CNTNAP1: variants seen among roughly 807,000 people sequenced by gnomAD.
The protein encoded by CNTNAP1 is contactin associated protein 1.
CNTNAP1 carries 80 observed loss-of-function variants against 161.5 expected under a neutral mutation model. The ratio of observed to expected loss-of-function variants is 0.50; its 90% CI spans 0.41 to 0.60. CNTNAP1 has a LOEUF of 0.60. Among genes scored for constraint, CNTNAP1 ranks in the 20% least tolerant of loss-of-function variants. CNTNAP1 has a pLI of 0.00. For synonymous variants in CNTNAP1, 695 were observed against 733.1 expected (o/e 0.95, Z 0.84); for missense variants, 1,464 against 1,854.8 (o/e 0.79, Z 3.87).
chr17:42,689,073 T>C (rs2053054365), intron 10 of CNTNAP1, 26 bp downstream of exon 10: 1 of 1,537,856 alleles, frequency 6.5e-7, no homozygotes, highest in Admixed American at 2.0e-5. Flanking sequence ...TAACAAGAGA[T>C]GACCCCTCCA....
rs990773936 is a variant in CNTNAP1, at chr17:42,693,407, C to T, written c.2863C>T (p.Pro955Ser). 34 of 1,614,134 alleles carry T rather than the reference C, an allele frequency of 2.1e-5. No homozygotes were observed. Among genetic ancestry groups the T allele is most frequent in the Non-Finnish European group, 2.6e-5 (31 of 1,180,056 alleles). The part of the protein sequence containing the change: ...GRANASEGTS[P>S]NCTGHCAHPR... ...TGCCAATGCCTCTGAGGGTACCTCACCCAACTGCACAGGCCACTGTGCCCA... is the reference window on the plus strand; with the variant it reads ...TGCCAATGCCTCTGAGGGTACCTCATCCAACTGCACAGGCCACTGTGCCCA... Residue 955 changes from proline (P) to serine (S), a missense_variant, in exon 18 of 24, where the codon CCC (proline) becomes TCC (serine). Coordinates refer to ENST00000264638, the MANE Select transcript of CNTNAP1 (RefSeq NM_003632.3).
At chr17:42,683,500 G>A (rs940864301) in intron 1 of CNTNAP1, 27 of 1,191,350 alleles carry the variant, frequency 2.3e-5, no homozygotes, top group Non-Finnish European at 2.8e-5. Flanking sequence ...GTTGACTTAG[G>A]TTGTGGAAGA....
Position 42,687,381 on chromosome 17 carries a change from A to C in CNTNAP1, c.1044+335A>C, listed in dbSNP as rs756600030. 1 of 508,762 alleles carries C rather than the reference A, an allele frequency of 2.0e-6. No individual in the cohort carries two copies. The highest frequency in any genetic ancestry group is 3.5e-6 in the Non-Finnish European group (1 of 285,480). 31.5% of individuals were successfully genotyped at this position (508,762 alleles called of 1,614,324 possible). On this transcript the variant is annotated intron_variant, in intron 7 of 23. Transcript: ENST00000264638. The surrounding 1 kb of genome is among the most constrained non-coding windows in gnomAD (Gnocchi z 4.7). ...ATGGCTTCTCTGATATGCCCCCCTC[A>C]ACCCTCTCCGACTCTGGAGCTCTGT... is the stretch of plus-strand genomic sequence containing the variant.
intron 1 of CNTNAP1, 21 bp from the exon 2 acceptor site, chr17:42,683,800 C>CG (rs72540130): frequency 5.3e-6 from 8 of 1,518,776 alleles, no homozygotes; most frequent in Non-Finnish European, 7.1e-6. Context: ...CGCTGACTAA[C>CG]AGTCGGTTTC....
Position 42,685,263 on chromosome 17 carries a change from C to T in CNTNAP1, c.558C>T (p.Arg186=), listed in dbSNP as rs984099759. 1 of 1,613,878 alleles carries T rather than the reference C, an allele frequency of 6.2e-7. No individual in the cohort carries two copies. Among genetic ancestry groups the T allele is most frequent in the Non-Finnish European group, 8.5e-7 (1 of 1,180,052 alleles). The change falls in exon 5 of 24, where the codon CGC becomes CGT. Residue 186 remains arginine, a synonymous_variant. Coordinates refer to ENST00000264638, the MANE Select transcript of CNTNAP1 (RefSeq NM_003632.3). The surrounding 1 kb of genome is among the most constrained non-coding windows in gnomAD (Gnocchi z 5.0). Reference sequence around the variant, plus strand: ...ACGGCGACGATGCCATCTCCTACCGCTTCCCGCGAGGGGTCAGCCGAAGCC... The same window carrying T: ...ACGGCGACGATGCCATCTCCTACCGTTTCCCGCGAGGGGTCAGCCGAAGCC... ...YFDGDDAISY[R]FPRGVSRSLW...
Position 42,687,788 on chromosome 17 carries a change from C to T in CNTNAP1, c.1113C>T (p.Phe371=), listed in dbSNP as rs1254716843. Reference sequence around the variant, plus strand: ...TCAACTTCGGAGGCCCTCACAACTTCGTTCAAGTGCCCGGTTTCCCACGCC... The same window carrying T: ...TCAACTTCGGAGGCCCTCACAACTTTGTTCAAGTGCCCGGTTTCCCACGCC... ...HPINFGGPHN[F]VQVPGFPRRG... Residue 371 remains phenylalanine (F), a synonymous_variant, in exon 8 of 24, where the codon TTC becomes TTT. Transcript: ENST00000264638. This position sits in a 1 kb window ranked among gnomAD's most constrained non-coding sequence, Gnocchi z 4.7. The T allele has an allele frequency of 3.7e-6, 6 of 1,614,224 alleles. No individual in the cohort carries two copies. The highest frequency in any genetic ancestry group is 5.1e-6 in the Non-Finnish European group (6 of 1,180,044).
rs1368433841 is a variant in CNTNAP1 at position 42,687,034 on chromosome 17, G to A, written c.1032G>A (p.Arg344=). 6.2e-7 allele frequency: 1 copy of A among 1,612,890 alleles called. No homozygotes were observed. The highest frequency in any genetic ancestry group is 1.1e-5 in the South Asian group (1 of 91,050). Residue 344 remains arginine (R), a synonymous_variant, in exon 7 of 24, where the codon CGG becomes CGA. Coordinates refer to ENST00000264638, the MANE Select transcript of CNTNAP1 (RefSeq NM_003632.3). The surrounding 1 kb of genome is among the most constrained non-coding windows in gnomAD (Gnocchi z 4.7). Reference sequence around the variant, plus strand: ...ACCTGGCCGTGCGGCGCCATTCCCGGATCACCTTCGAGGCCAGTGGGCAGG... The same window carrying A: ...ACCTGGCCGTGCGGCGCCATTCCCGAATCACCTTCGAGGCCAGTGGGCAGG... The part of the protein sequence containing the change: ...IADLAVRRHS[R]ITFEGKVAFR...
rs567668572 is a variant in CNTNAP1 at position 42,698,864 on chromosome 17, G to T, written c.4109G>T (p.Arg1370Leu). ...ACTCCAGCCCCAGCCCCTGGCCCCC[G>T]GGATCAGAACCTACCCCAGATCCTG... ...APTPAPAPGP[R>L]DQNLPQILEE... Residue 1370 changes from arginine to leucine, a missense_variant, in exon 24 of 24, where the codon CGG (arginine) becomes CTG (leucine). Arg to Leu is a moderately radical substitution (Grantham distance 102, BLOSUM62 -2). This residue lies in a region of CNTNAP1 where 1,383 missense variants were observed against 1,765.0 expected (regional missense o/e 0.78). Transcript: ENST00000264638. The T allele has an allele frequency of 2.2e-6, 3 of 1,338,538 alleles. No homozygotes were observed. The Admixed American group carries it at 6.2e-5, about 28-fold the overall frequency. 82.9% of individuals were successfully genotyped at this position (1,338,538 alleles called of 1,614,324 possible).
chr17:42,683,241 G>A, intron 1 of CNTNAP1: 1 of 608,848 alleles, frequency 1.6e-6, no homozygotes, highest in Non-Finnish European at 2.3e-6. Flanking sequence ...CAGGGCTTAA[G>A]GCTGGACTTT....
rs1213475000 is a variant in CNTNAP1, at chr17:42,687,882, C to G, written c.1207C>G (p.Leu403Val). The G allele has an allele frequency of 1.9e-6, 3 of 1,614,108 alleles. No homozygotes were observed. Among genetic ancestry groups the G allele is most frequent in the Non-Finnish European group, 2.5e-6 (3 of 1,180,044 alleles). Residue 403 changes from leucine (L) to valine (V), a missense_variant, in exon 8 of 24, where the codon CTG becomes GTG. By Grantham distance (32) the Leu-to-Val change is conservative. Transcript: ENST00000264638. The surrounding 1 kb of genome is among the most constrained non-coding windows in gnomAD (Gnocchi z 4.7). ...DLTGLLLFSR[L>V]GDGLGHVELT... ...CACCGGGCTTCTCCTTTTCTCCCGT[C>G]TGGGGGACGGGCTGGGCCACGTGGA... is the stretch of plus-strand genomic sequence containing the variant.
Position 42,691,151 on chromosome 17 carries a change from A to G in CNTNAP1, c.2074A>G (p.Ser692Gly). 6.2e-7 allele frequency: 1 copy of G among 1,614,090 alleles called. No homozygotes were observed. Among genetic ancestry groups the G allele is most frequent in the Non-Finnish European group, 8.5e-7 (1 of 1,179,984 alleles). Residue 692 changes from serine to glycine, a missense_variant, in exon 14 of 24, where the codon AGC becomes GGC. Coordinates refer to ENST00000264638, the MANE Select transcript of CNTNAP1 (RefSeq NM_003632.3). The surrounding 1 kb of genome is among the most constrained non-coding windows in gnomAD (Gnocchi z 4.3). ...CTCTTCCCCAGGAGGCTACCCCTAC[A>G]GCTTTTGGATTGGCCGAAATGAGGA... Reference protein sequence around the residue: ...LLNTAGGYPYSFWIGRNEEQH... With the variant: ...LLNTAGGYPYGFWIGRNEEQH...
At chr17:42,693,612 G>A (rs2053119760) in intron 18 of CNTNAP1, 76 bp downstream of exon 18, 3 of 1,563,100 alleles carry the variant, frequency 1.9e-6, no homozygotes, top group Non-Finnish European at 2.6e-6. Context: ...GAAGGAAATA[G>A]CATGTAAAGC....
At position 42,698,698 on chromosome 17, in the gene CNTNAP1, T is replaced by C; in HGVS notation, c.3943T>C (p.Tyr1315His). 6.2e-7 allele frequency: 1 copy of C among 1,613,628 alleles called. No homozygotes were observed. Among genetic ancestry groups the C allele is most frequent in the Non-Finnish European group, 8.5e-7 (1 of 1,179,844 alleles). Reference protein sequence around the residue: ...YLQNHRYKGSYHTNEPKAAHE... With the variant: ...YLQNHRYKGSHHTNEPKAAHE... ...GCAAAATCATCGCTATAAGGGCTCC[T>C]ACCATACCAATGAGCCCAAGGCTGC... Residue 1315 changes from tyrosine to histidine, a missense_variant, in exon 24 of 24, where the codon TAC becomes CAC. Physicochemically the swap from Tyr to His is moderately conservative, Grantham distance 83. Around this residue, in one of 3 missense-constraint regions of CNTNAP1, gnomAD observed 1,383 missense variants for 1,765.0 expected, o/e 0.78. Coordinates refer to ENST00000264638, the MANE Select transcript of CNTNAP1 (RefSeq NM_003632.3).
chr17:42,687,839 C>T lies in CNTNAP1; in HGVS notation c.1164C>T (p.Arg388=), dbSNP rs748641127. The part of the protein sequence containing the change: ...PRRGRLAVSF[R]FRTWDLTGLL... The stretch of plus-strand genomic sequence containing the variant: ...GTGGCCGCCTGGCAGTCTCATTTCG[C>T]TTCCGCACCTGGGACCTCACCGGGC... Residue 388 remains arginine (R), a synonymous_variant, in exon 8 of 24, where the codon CGC becomes CGT. Transcript: ENST00000264638. This position sits in a 1 kb window ranked among gnomAD's most constrained non-coding sequence, Gnocchi z 4.7. 1.9e-6 allele frequency: 3 copies of T among 1,614,264 alleles called. No individual in the cohort carries two copies. In the South Asian group the frequency reaches 3.3e-5, roughly 18 times the overall value.
Position 42,698,901 on chromosome 17 carries a change from G to A in CNTNAP1, c.4146G>A (p.Arg1382=), listed in dbSNP as rs751181300. The change falls in exon 24 of 24, where the codon AGG becomes AGA. Residue 1382 remains arginine, a synonymous_variant. Coordinates refer to ENST00000264638, the MANE Select transcript of CNTNAP1 (RefSeq NM_003632.3). ...QNLPQILEES[R]SE ...TACCCCAGATCCTGGAGGAGTCCAG[G>A]TCTGAATGAGTCAGAAGGGCTTCTG... 1 of 1,525,924 alleles carries A rather than the reference G, an allele frequency of 6.6e-7. No individual in the cohort carries two copies. Among genetic ancestry groups the A allele is most frequent in the Non-Finnish European group, 8.8e-7 (1 of 1,141,396 alleles). 94.5% of individuals were successfully genotyped at this position (1,525,924 alleles called of 1,614,324 possible).
At position 42,688,936 on chromosome 17, in the gene CNTNAP1, G is replaced by A. The variant is rs2143658624; in HGVS notation, c.1517G>A (p.Cys506Tyr). 6.2e-7 allele frequency: 1 copy of A among 1,614,118 alleles called. No individual in the cohort carries two copies. The highest frequency in any genetic ancestry group is 1.1e-5 in the South Asian group (1 of 91,082). The change falls in exon 10 of 24, where the codon TGC becomes TAC. Residue 506 changes from cysteine (C) to tyrosine (Y), a missense_variant. Cys to Tyr is a radical substitution (Grantham distance 194, BLOSUM62 -2). Around this residue, in one of 3 missense-constraint regions of CNTNAP1, gnomAD observed 1,383 missense variants for 1,765.0 expected, o/e 0.78. Coordinates refer to ENST00000264638, the MANE Select transcript of CNTNAP1 (RefSeq NM_003632.3). Reference sequence around the variant, plus strand: ...TCCAACCAGACGGCATTCCATGGCTGCATGGAGCTGCTCAAGGTGGATGGT... The same window carrying A: ...TCCAACCAGACGGCATTCCATGGCTACATGGAGCTGCTCAAGGTGGATGGT... ...CHSNQTAFHG[C>Y]MELLKVDGQL... is the part of the protein sequence containing the mutation.
In CNTNAP1 at chr17:42,691,863, TC is replaced by T; in HGVS notation, c.2404del (p.Arg802ValfsTer22). The T allele has an allele frequency of 6.2e-7, 1 of 1,614,116 alleles. No individual in the cohort carries two copies. The part of the protein sequence containing the change: ...HTGAALRFPP[I>X]RANHSLDVSF... ...GGGGCTGCACTACGCTTCCCCCCAA[TC>T]CGTGCCAACCACAGCCTGGATGTCT... On this transcript the variant is annotated frameshift_variant, in exon 16 of 24. Transcript: ENST00000264638. LOFTEE classifies it high-confidence loss of function. The surrounding 1 kb of genome is among the most constrained non-coding windows in gnomAD (Gnocchi z 4.3).
intron 12 of CNTNAP1, among the ~76,000 whole-genome samples, chr17:42,690,466 G>T (rs951773572): frequency 6.0e-5 from 9 of 150,360 alleles, no homozygotes; most frequent in African/African-American, 2.2e-4. Flanking sequence ...GGAGGTTGCA[G>T]TGAGCTGAGA....
At position 42,692,090 on chromosome 17, in the gene CNTNAP1, T is replaced by C. The variant is rs992927491; in HGVS notation, c.2530+99T>C. On this transcript the variant is annotated intron_variant, in intron 16 of 23. Transcript: ENST00000264638. ...TTGGAGCCAAGGGCAGATGCCCTTT[T>C]GACAGGCAGCATGGGAAGGGTTGAG... 2.4e-6 allele frequency: 3 copies of C among 1,255,696 alleles called. No homozygotes were observed. In the African/African-American group the frequency reaches 4.5e-5, roughly 19 times the overall value. The allele number at this position is 1,255,696 out of a possible 1,614,324, so 77.8% of individuals were successfully genotyped here.
Sources: allele counts gnomAD v4.1 joint callset (sites outside exome capture counted in the v4.1 genomes callset), GRCh38; gene constraint gnomAD v4.1.1; regional missense constraint gnomAD v4.1.1; non-coding constraint Gnocchi (gnomAD v3.1); transcripts MANE v1.5; gene names NCBI Gene and HGNC (gene_info 2026-07-23, HGNC 2026-07-21).